Variants in TOX4 observed in about 807,000 individuals in gnomAD.
TOX4 encodes TOX high mobility group box family member 4.
In TOX4, 12 loss-of-function variants were observed where a neutral mutation model predicts 61.0. The observed-to-expected ratio is 0.20, with a 90% CI of 0.13 to 0.32. The LOEUF is 0.32. TOX4 is among the 10% of genes least tolerant of loss of function. The pLI is 1.00. For missense variants in TOX4, 499 were observed against 753.3 expected (o/e 0.66, Z 3.95); for synonymous variants, 268 against 274.8 (o/e 0.98, Z 0.24).
At chr14:21,486,530 TG>T (rs1415343774) in intron 2 of TOX4, among the ~76,000 whole-genome samples, 1 of 152,166 alleles carries the variant, frequency 6.6e-6, no homozygotes, top group African/African-American at 2.4e-5. Context: ...GAAGAAAACT[TG>T]TTCAAGGTCT....
intron 2 of TOX4, among the ~76,000 whole-genome samples, chr14:21,481,050 A>G (rs1891099134): frequency 6.6e-6 from 1 of 152,170 alleles, no homozygotes; most frequent in South Asian, 2.1e-4. Flanking sequence ...AGATTGTACC[A>G]TTGCACTCCA....
chr14:21,479,721 A>G (rs1891076881), intron 2 of TOX4, among the ~76,000 whole-genome samples: 1 of 152,138 alleles, frequency 6.6e-6, no homozygotes, highest in South Asian at 2.1e-4. Context: ...TCTAAGTGAG[A>G]TCTTCATTTT....
At chr14:21,483,580 G>T (rs1483854766) in intron 2 of TOX4, among the ~76,000 whole-genome samples, 1 of 151,986 alleles carries the variant, frequency 6.6e-6, no homozygotes, top group Non-Finnish European at 1.5e-5. Flanking sequence ...GGGAGGCCAA[G>T]GTGGGAAGAT....
At chr14:21,492,266 G>GT (rs749834552) in intron 5 of TOX4, 30 bp from the exon 6 acceptor site, 47,783 of 763,016 alleles carry the variant, frequency 0.063, no homozygotes, top group East Asian at 0.09. Context: ...GGGGAGTTTT[G>GT]TTTTTTTTTT....
At chr14:21,486,833 T>C (rs1891198135) in intron 2 of TOX4, among the ~76,000 whole-genome samples, 1 of 152,236 alleles carries the variant, frequency 6.6e-6, no homozygotes, top group South Asian at 2.1e-4. Context: ...TTTGGCATTG[T>C]TGAGGTTTTC....
intron 2 of TOX4, among the ~76,000 whole-genome samples, chr14:21,483,330 T>C (rs1891139026): frequency 6.6e-6 from 1 of 152,170 alleles, no homozygotes; most frequent in Non-Finnish European, 1.5e-5. Flanking sequence ...AACTACTATT[T>C]TACTATTAGT....
chr14:21,492,837 A>G lies in TOX4; in HGVS notation c.1221A>G (p.Thr407=), dbSNP rs1331073707. 6.8e-6 allele frequency: 11 copies of G among 1,613,958 alleles called. No individual in the cohort carries two copies. The highest frequency in any genetic ancestry group is 9.3e-6 in the Non-Finnish European group (11 of 1,179,992). Residue 407 remains threonine (T), a synonymous_variant, in exon 7 of 9, where the codon ACA becomes ACG. Coordinates refer to ENST00000448790, the MANE Select transcript of TOX4 (RefSeq NM_014828.4). ...GGCTCCAACTAGGCCAAACCAGTAC[A>G]GCTACTATCCAGCCCAGTCAACAAG... The part of the protein sequence containing the change: ...SRGLQLGQTS[T]ATIQPSQQAQ...
chr14:21,489,771 C>T (rs1304226552), intron 5 of TOX4, among the ~76,000 whole-genome samples: 43 of 151,918 alleles, frequency 2.8e-4, no homozygotes, highest in South Asian at 4.2e-4. Flanking sequence ...TTAGTAGAGA[C>T]GGCGTTTCAC....
Position 21,489,490 on chromosome 14 carries a change from C to CTTA in TOX4, c.810+89_810+91dup, listed in dbSNP as rs1891247650. On this transcript the variant is annotated intron_variant, in intron 5 of 8. Transcript: ENST00000448790. ...GAGGTTTTCTTTTTTCTTACATGTCCTTATCTAATATCAGCTGTTTGTTAA... is the reference window on the plus strand; with the variant it reads ...GAGGTTTTCTTTTTTCTTACATGTCCTTATTATCTAATATCAGCTGTTTGTTAA... 4 of 1,139,456 alleles carry CTTA rather than the reference C, an allele frequency of 3.5e-6. No homozygotes were observed. In the East Asian group the frequency reaches 9.5e-5, roughly 27 times the overall value. 70.6% of individuals were successfully genotyped at this position (1,139,456 alleles called of 1,614,324 possible).
intron 2 of TOX4, among the ~76,000 whole-genome samples, chr14:21,484,563 T>C (rs1370324421): frequency 9.6e-6 from 1 of 104,104 alleles, no homozygotes; most frequent in African/African-American, 3.6e-5. Flanking sequence ...TTGGCCAGGC[T>C]GGTCTCGAAC....
chr14:21,487,447 A>T lies in TOX4; in HGVS notation c.76-4A>T. The T allele has an allele frequency of 6.2e-7, 1 of 1,612,350 alleles. No individual in the cohort carries two copies. On this transcript the variant is annotated splice_region_variant and splice_polypyrimidine_tract_variant and intron_variant, in intron 2 of 8. Transcript: ENST00000448790. ...AATTCTTTTCCCCCTTTTTTCCCCT[A>T]CAGACATTCCATACACCAAGCTTGG...
intron 2 of TOX4, among the ~76,000 whole-genome samples, chr14:21,484,116 G>C (rs1008520841): frequency 1.3e-5 from 2 of 152,074 alleles, no homozygotes; most frequent in African/African-American, 4.8e-5. Flanking sequence ...GCTGAGAACT[G>C]TGTGTTCTTA....
intron 2 of TOX4, among the ~76,000 whole-genome samples, chr14:21,483,602 A>G (rs556090903): frequency 1.3e-5 from 2 of 152,116 alleles, no homozygotes; most frequent in East Asian, 3.9e-4. Context: ...ACTTGAGCCC[A>G]AGAGTTCAAG....
At position 21,488,860 on chromosome 14, in the gene TOX4, TC is replaced by T; in HGVS notation, c.579+13del. On this transcript the variant is annotated intron_variant, in intron 4 of 8. Coordinates refer to ENST00000448790, the MANE Select transcript of TOX4 (RefSeq NM_014828.4). ...TGAGGATTTCCGGAGGGTGAGGCAT[TC>T]CCTGTCAAAATCAATTCTGCTGTGA... 6.2e-7 allele frequency: 1 copy of T among 1,612,384 alleles called. No homozygotes were observed. Among genetic ancestry groups the T allele is most frequent in the South Asian group, 1.1e-5 (1 of 91,052 alleles).
Position 21,497,898 on chromosome 14 carries a change from G to C in TOX4, c.*1292G>C, listed in dbSNP as rs1305503720. ...GGGTCTCACTATGTTGCCCAGTCTAGTCTTGAACTCCTGGGCTACAGTTAC... is the reference window on the plus strand; with the variant it reads ...GGGTCTCACTATGTTGCCCAGTCTACTCTTGAACTCCTGGGCTACAGTTAC... On this transcript the variant is annotated 3_prime_UTR_variant, in exon 9 of 9. Coordinates refer to ENST00000448790, the MANE Select transcript of TOX4 (RefSeq NM_014828.4). The C allele has an allele frequency of 1.0e-5, 2 of 197,596 alleles. No homozygotes were observed. Among genetic ancestry groups the C allele is most frequent in the Non-Finnish European group, 2.1e-5 (2 of 96,420 alleles). The allele number at this position is 197,596 out of a possible 1,614,324, so 12.2% of individuals were successfully genotyped here. A position where few individuals can be genotyped will look rare whatever the true frequency, so the allele number is the denominator to read the frequency against.
chr14:21,490,267 A>T (rs1046009712), intron 5 of TOX4, among the ~76,000 whole-genome samples: 5 of 151,570 alleles, frequency 3.3e-5, no homozygotes, highest in Admixed American at 1.3e-4. Context: ...TTACGAAGTC[A>T]GGAGATCAAC....
Position 21,489,313 on chromosome 14 carries a change from C to T in TOX4, c.720C>T (p.Ala240=), listed in dbSNP as rs1258422241. 2.5e-6 allele frequency: 4 copies of T among 1,614,044 alleles called. No individual in the cohort carries two copies. The African/African-American group carries it at 5.3e-5, about 22-fold the overall frequency. ...TATTCTTTCGTGATACACAGGCTGC[C>T]ATCAAGGGACAGAATCCTAATGCCA... ...YALFFRDTQA[A]IKGQNPNATF... The change falls in exon 5 of 9, where the codon GCC becomes GCT. Residue 240 remains alanine (A), a synonymous_variant. Coordinates refer to ENST00000448790, the MANE Select transcript of TOX4 (RefSeq NM_014828.4).
At position 21,488,730 on chromosome 14, in the gene TOX4, G is replaced by A. The variant is rs1231065916; in HGVS notation, c.459G>A (p.Leu153=). ...TIDQSELSSQ[L]GLSLGGGTIL... ...ATCAGTCAGAACTGAGTTCCCAGCT[G>A]GGTTTGAGCCTAGGGGGTGGCACCA... The change falls in exon 4 of 9, where the codon CTG becomes CTA. Residue 153 remains leucine, a synonymous_variant. Coordinates refer to ENST00000448790, the MANE Select transcript of TOX4 (RefSeq NM_014828.4). The A allele has an allele frequency of 1.4e-5, 23 of 1,614,028 alleles. No homozygotes were observed. The Admixed American group carries it at 2.5e-4, about 18-fold the overall frequency.
Position 21,498,048 on chromosome 14 carries a change from G to A in TOX4, c.*1442G>A, listed in dbSNP as rs1004488703. The A allele has an allele frequency of 3.6e-6, 2 of 548,502 alleles. No homozygotes were observed. The highest frequency in any genetic ancestry group is 3.2e-6 in the Non-Finnish European group (1 of 309,296). The allele number at this position is 548,502 out of a possible 1,614,324, so 34.0% of individuals were successfully genotyped here. ...TTGAACCTTCACAGCAACCCAATGA[G>A]GTAATACTCCCATTTCACATATAAT... On this transcript the variant is annotated 3_prime_UTR_variant, in exon 9 of 9. Coordinates refer to ENST00000448790, the MANE Select transcript of TOX4 (RefSeq NM_014828.4).
Sources: gnomAD v4.1 joint callset for allele counts (sites outside exome capture counted in the v4.1 genomes callset) on GRCh38, gnomAD v4.1.1 for gene constraint, MANE v1.5 for transcripts, NCBI Gene and HGNC (gene_info 2026-07-23, HGNC 2026-07-21) for gene names.